TOGARAM1: variants seen among roughly 807,000 people sequenced by gnomAD.
The protein encoded by TOGARAM1 is TOG array regulator of axonemal microtubules protein 1.
In TOGARAM1, 100 loss-of-function variants were observed where a neutral mutation model predicts 166.6. The ratio of observed to expected loss-of-function variants is 0.60; its 90% confidence interval spans 0.51 to 0.71. The LOEUF (loss-of-function observed/expected upper bound fraction) is 0.71. Ranked by LOEUF, TOGARAM1 falls within the 30% of genes least tolerant of loss-of-function variation. The pLI, the probability that TOGARAM1 is intolerant of heterozygous loss-of-function variation, is 0.00. For synonymous variants in TOGARAM1, 758 were observed against 763.8 expected (o/e 0.99, Z 0.13); for missense variants, 2,029 against 2,102.7 (o/e 0.96, Z 0.69).
chr14:45,031,745 G>A (rs1881170826), intron 10 of TOGARAM1, among the ~76,000 whole-genome samples: 1 of 152,110 alleles, frequency 6.6e-6, no homozygotes, highest in South Asian at 2.1e-4. Context: ...AAAAAGTAAA[G>A]TTTTCAATAG....
intron 2 of TOGARAM1, chr14:44,996,215 A>G (rs1887406623): frequency 6.0e-6 from 1 of 167,142 alleles, no homozygotes; most frequent in Non-Finnish European, 1.3e-5. Flanking sequence ...GAACGAGAAC[A>G]GACATTAAAT....
At chr14:45,029,654 A>G (rs1881046495) in intron 10 of TOGARAM1, among the ~76,000 whole-genome samples, 1 of 152,208 alleles carries the variant, frequency 6.6e-6, no homozygotes, top group Non-Finnish European at 1.5e-5. Flanking sequence ...ACTGCTACTC[A>G]AAGTGTGTTT....
At chr14:45,047,589 T>C (rs1393194178) in intron 14 of TOGARAM1, among the ~76,000 whole-genome samples, 1 of 152,116 alleles carries the variant, frequency 6.6e-6, no homozygotes, top group African/African-American at 2.4e-5. Flanking sequence ...GCTGTGGTGG[T>C]GACAGAAATT....
Position 45,004,367 on chromosome 14 carries a change from G to A in TOGARAM1, c.2644+1G>A, listed in dbSNP as rs777209073. 5 of 1,610,736 alleles carry A rather than the reference G, an allele frequency of 3.1e-6. No homozygotes were observed. The highest frequency in any genetic ancestry group is 4.2e-6 in the Non-Finnish European group (5 of 1,178,774). On this transcript the variant is annotated splice_donor_variant, in intron 4 of 19. Coordinates refer to ENST00000361462, the MANE Select transcript of TOGARAM1 (RefSeq NM_001308120.2). LOFTEE classifies it high-confidence loss of function. ...TCTGATCCTACGGGTAGAAATCATG[G>A]TAAAAGTCAATACTTTGTTCAAATT...
intron 1 of TOGARAM1, among the ~76,000 whole-genome samples, chr14:44,985,254 C>T (rs568614356): frequency 2.6e-5 from 4 of 152,240 alleles, no homozygotes; most frequent in Admixed American, 1.3e-4. Flanking sequence ...CTTTGTGAAC[C>T]GCCCGTCTCG....
chr14:45,065,765 A>G (rs1224935519), intron 16 of TOGARAM1, among the ~76,000 whole-genome samples: 5 of 152,190 alleles, frequency 3.3e-5, no homozygotes, highest in Non-Finnish European at 5.9e-5. Context: ...TAGGTTTTGG[A>G]AAGATTTCAA....
At chr14:44,980,621 G>C (rs1305102152) in intron 1 of TOGARAM1, among the ~76,000 whole-genome samples, 2 of 152,142 alleles carry the variant, frequency 1.3e-5, no homozygotes, top group African/African-American at 4.8e-5. Flanking sequence ...GCAGAGGTTG[G>C]AGTGAACCCA....
chr14:44,997,657 A>C (rs1453339780), intron 2 of TOGARAM1, among the ~76,000 whole-genome samples: 1 of 152,154 alleles, frequency 6.6e-6, no homozygotes, highest in Non-Finnish European at 1.5e-5. Flanking sequence ...GCATAGGAAG[A>C]AACTGCCTTT....
intron 11 of TOGARAM1, among the ~76,000 whole-genome samples, chr14:45,037,919 G>A (rs1881518387): frequency 6.6e-6 from 1 of 151,788 alleles, no homozygotes; most frequent in South Asian, 2.1e-4. Flanking sequence ...TGGGGAGGCT[G>A]AGACAGGAGA....
chr14:45,045,217 G>A (rs943366509), intron 13 of TOGARAM1, among the ~76,000 whole-genome samples: 8 of 151,304 alleles, frequency 5.3e-5, no homozygotes, highest in Non-Finnish European at 1.2e-4. Flanking sequence ...TTGTTACATG[G>A]GTGAATTGTA....
intron 8 of TOGARAM1, among the ~76,000 whole-genome samples, chr14:45,026,956 C>T (rs979123207): frequency 2.6e-5 from 4 of 151,888 alleles, no homozygotes; most frequent in African/African-American, 9.7e-5. Context: ...TGCAATGAGC[C>T]GAGATTGTGC....
chr14:44,986,724 T>C (rs1886820165), intron 1 of TOGARAM1, among the ~76,000 whole-genome samples: 1 of 150,952 alleles, frequency 6.6e-6, no homozygotes, highest in African/African-American at 2.4e-5. Flanking sequence ...TAACCTGTGT[T>C]GGCTGGGCGC....
rs1165671667 is a variant in TOGARAM1, at chr14:45,006,426, A to G, written c.2904+159A>G. 32 of 570,050 alleles carry G rather than the reference A, an allele frequency of 5.6e-5. No homozygotes were observed. The East Asian group carries it at 9.7e-4, about 17-fold the overall frequency. 35.3% of individuals were successfully genotyped at this position (570,050 alleles called of 1,614,324 possible). A position where few individuals can be genotyped will look rare whatever the true frequency, so the allele number is the denominator to read the frequency against. ...TGGAAAATACCATGAATTAGTAGGA[A>G]GGGAATTTATCACGCCAGTTCCCAC... is the stretch of plus-strand genomic sequence containing the variant. On this transcript the variant is annotated intron_variant, in intron 5 of 19. Transcript: ENST00000361462.
At chr14:44,968,523 CAGGCGTGA>C (rs1479621495) in intron 1 of TOGARAM1, among the ~76,000 whole-genome samples, 10 of 152,232 alleles carry the variant, frequency 6.6e-5, no homozygotes, top group Non-Finnish European at 1.3e-4. Context: ...GCTGGGATTA[CAGGCGTGA>C]GCCACCGCGC....
intron 16 of TOGARAM1, among the ~76,000 whole-genome samples, chr14:45,061,531 A>G (rs1882900590): frequency 6.6e-6 from 1 of 152,190 alleles, no homozygotes. Flanking sequence ...GTTTCATAGA[A>G]AGCTCTTTAT....
At chr14:45,003,200 T>A (rs1202910095) in intron 3 of TOGARAM1, among the ~76,000 whole-genome samples, 1 of 152,064 alleles carries the variant, frequency 6.6e-6, no homozygotes, top group Non-Finnish European at 1.5e-5. Flanking sequence ...ATTAAAAAAA[T>A]AAAGGATATA....
chr14:45,015,277 C>T (rs966405277), intron 7 of TOGARAM1, among the ~76,000 whole-genome samples: 32 of 151,106 alleles, frequency 2.1e-4, no homozygotes, highest in Non-Finnish European at 4.1e-4. Context: ...TGTATTCCAG[C>T]CTGGATGACA....
Position 45,032,282 on chromosome 14 carries a change from A to G in TOGARAM1, c.3718A>G (p.Ser1240Gly). Residue 1240 changes from serine to glycine, a missense_variant, in exon 11 of 20, where the codon AGT becomes GGT. By Grantham distance (56) the Ser-to-Gly change is moderately conservative. This residue lies in a region of TOGARAM1 where 576 missense variants were observed against 670.5 expected (regional missense o/e 0.86). Coordinates refer to ENST00000361462, the MANE Select transcript of TOGARAM1 (RefSeq NM_001308120.2). ...AGAAAGGATGCCTTCTGTCACTCAT[A>G]GTCCAGAAATAATGGATCTGTCAGA... is the stretch of plus-strand genomic sequence containing the variant. ...YKERMPSVTH[S>G]PEIMDLSELR... 1 of 1,613,984 alleles carries G rather than the reference A, an allele frequency of 6.2e-7. No individual in the cohort carries two copies. Among genetic ancestry groups the G allele is most frequent in the Non-Finnish European group, 8.5e-7 (1 of 1,179,852 alleles).
intron 1 of TOGARAM1, among the ~76,000 whole-genome samples, chr14:44,993,709 T>G (rs1315316091): frequency 6.6e-6 from 1 of 152,232 alleles, no homozygotes; most frequent in Non-Finnish European, 1.5e-5. Context: ...TGCTTTCAGA[T>G]GCACAATCTT....
Sources: allele counts gnomAD v4.1 joint callset (sites outside exome capture counted in the v4.1 genomes callset), GRCh38; gene constraint gnomAD v4.1.1; regional missense constraint gnomAD v4.1.1; transcripts MANE v1.5; gene names NCBI Gene and HGNC (gene_info 2026-07-23, HGNC 2026-07-21).